Variants in ISCA1 observed in about 807,000 individuals in gnomAD.
ISCA1 encodes iron-sulfur cluster assembly 1 homolog, mitochondrial.
A neutral mutation model predicts 14.7 loss-of-function variants in ISCA1; 9 were observed. The ratio of observed to expected loss-of-function variants is 0.61; its 90% CI spans 0.37 to 1.07. ISCA1 has a LOEUF of 1.07. Among genes scored for constraint, ISCA1 ranks in the 50% least tolerant of loss-of-function variants. The probability of loss-of-function intolerance (pLI) is 0.01; values close to 1 mark genes in which losing one functional copy is unlikely to be tolerated. For synonymous variants in ISCA1, 38 were observed against 54.3 expected, an observed-to-expected ratio of 0.70 and a Z score of 1.32; for missense variants, 102 against 150.1, an observed-to-expected ratio of 0.68 and a Z score of 1.67.
At chr9:86,268,434 CAA>C (rs1326768834) in intron 3 of ISCA1, among the ~76,000 whole-genome samples, 15 of 67,670 alleles carry the variant, frequency 2.2e-4, no homozygotes, top group African/African-American at 5.6e-4. Flanking sequence ...AATGTTATCA[CAA>C]AAGAGTCAAA....
chr9:86,269,060 C>G (rs1009649966), intron 3 of ISCA1, among the ~76,000 whole-genome samples: 1 of 152,176 alleles, frequency 6.6e-6, no homozygotes, highest in African/African-American at 2.4e-5. Context: ...TCCCAAAGTG[C>G]TGGGATTACA....
intron 3 of ISCA1, among the ~76,000 whole-genome samples, chr9:86,268,283 T>C (rs986513067): frequency 2.2e-4 from 34 of 152,200 alleles, no homozygotes; most frequent in African/African-American, 7.2e-4. Context: ...AACCTGACCC[T>C]GTGGAGGCCT....
intron 1 of ISCA1, among the ~76,000 whole-genome samples, chr9:86,279,983 A>C (rs772304182): frequency 5.9e-5 from 9 of 152,226 alleles, no homozygotes; most frequent in Non-Finnish European, 1.2e-4. Flanking sequence ...GCCATACTTA[A>C]GTAGGACAAC....
chr9:86,266,123 C>G lies in ISCA1; in HGVS notation c.310G>C (p.Asp104His). The stretch of plus-strand genomic sequence containing the variant: ...AACACAAACTCACTGGATAATTTGT[C>G]TTCAACATAGTCCATTTCTGTTCCT... Reference protein sequence around the residue: ...LLGTEMDYVEDKLSSEFVFNN... With the variant: ...LLGTEMDYVEHKLSSEFVFNN... Residue 104 changes from aspartate (D) to histidine (H), a missense_variant, in exon 4 of 4, where the codon GAC becomes CAC. Physicochemically the swap from Asp to His is moderately conservative, Grantham distance 81. Transcript: ENST00000375991. 1.2e-6 allele frequency: 2 copies of G among 1,613,286 alleles called. No homozygotes were observed. Among genetic ancestry groups the G allele is most frequent in the Non-Finnish European group, 1.7e-6 (2 of 1,179,678 alleles).
rs1217874175 is a variant in ISCA1, at chr9:86,282,498, C to A, written c.-40G>T. The A allele has an allele frequency of 3.5e-5, 54 of 1,549,802 alleles. No homozygotes were observed. The highest frequency in any genetic ancestry group is 4.5e-5 in the Non-Finnish European group (52 of 1,146,716). Reference sequence around the variant, plus strand: ...CGCCCCGGTGCCTCGGGCCGAAGGTCGGCCGCCTCAGCTTCTCTCCATGGA... The same window carrying A: ...CGCCCCGGTGCCTCGGGCCGAAGGTAGGCCGCCTCAGCTTCTCTCCATGGA... On this transcript the variant is annotated 5_prime_UTR_variant, in exon 1 of 4. Coordinates refer to ENST00000375991, the MANE Select transcript of ISCA1 (RefSeq NM_030940.4).
chr9:86,273,643 G>C (rs765531829), intron 2 of ISCA1, among the ~76,000 whole-genome samples: 13 of 152,174 alleles, frequency 8.5e-5, no homozygotes, highest in Non-Finnish European at 1.6e-4. Flanking sequence ...GGAATAACAA[G>C]CCCAGTCTAG....
At chr9:86,270,621 C>A (rs1318413055) in intron 3 of ISCA1, among the ~76,000 whole-genome samples, 1 of 152,058 alleles carries the variant, frequency 6.6e-6, no homozygotes, top group East Asian at 1.9e-4. Flanking sequence ...ACAAATCATG[C>A]TGCTATAAAG....
In ISCA1 at chr9:86,264,734, A is replaced by G. The variant is rs1484157848; in HGVS notation, c.*1309T>C. On this transcript the variant is annotated 3_prime_UTR_variant, in exon 4 of 4. Coordinates refer to ENST00000375991, the MANE Select transcript of ISCA1 (RefSeq NM_030940.4). ...AGCTACTTTAGTGAATAAACGAAAC[A>G]TAAAGGAACTCAGCTACTTGAATTC... The G allele has an allele frequency of 6.6e-6, 1 of 152,504 alleles. No homozygotes were observed. The highest frequency in any genetic ancestry group is 2.4e-5 in the African/African-American group (1 of 41,466). The allele number at this position is 152,504 out of a possible 1,614,324, so 9.4% of individuals were successfully genotyped here. A position where few individuals can be genotyped will look rare whatever the true frequency, so the allele number is the denominator to read the frequency against.
At chr9:86,277,968 C>T (rs954945727) in intron 1 of ISCA1, among the ~76,000 whole-genome samples, 15 of 152,210 alleles carry the variant, frequency 9.9e-5, no homozygotes, top group African/African-American at 2.7e-4. Flanking sequence ...CATAGCAACA[C>T]GCTTTCTAAT....
intron 1 of ISCA1, among the ~76,000 whole-genome samples, chr9:86,280,286 T>C (rs770383440): frequency 5.3e-5 from 8 of 152,032 alleles, no homozygotes; most frequent in Non-Finnish European, 8.8e-5. Flanking sequence ...GGGACTGACA[T>C]AGAAATTCTG....
At chr9:86,280,982 C>A (rs1426060260) in intron 1 of ISCA1, among the ~76,000 whole-genome samples, 14 of 150,728 alleles carry the variant, frequency 9.3e-5, no homozygotes, top group Non-Finnish European at 1.6e-4. Context: ...AAACAAAAAA[C>A]CCAGTTAATA....
Position 86,274,245 on chromosome 9 carries a change from GA to G in ISCA1, c.82-4del. The G allele has an allele frequency of 1.3e-6, 2 of 1,574,814 alleles. No individual in the cohort carries two copies. The highest frequency in any genetic ancestry group is 8.7e-7 in the Non-Finnish European group (1 of 1,145,332). On this transcript the variant is annotated splice_polypyrimidine_tract_variant and splice_region_variant and intron_variant, in intron 1 of 3. Transcript: ENST00000375991. ...ATCTTGTTTACTGCTGAAGGTGTCT[GA>G]AAAAAGAAAATGATGTTTTTAGCTA...
rs11141326 is a variant in ISCA1 at position 86,276,897 on chromosome 9, G to A, written c.82-2655C>T. On this transcript the variant is annotated intron_variant, in intron 1 of 3. Transcript: ENST00000375991. ...AAAAAAAAAAAAAAAAAAAAAAAAA[G>A]GCATAGCCATGGAAAATATCCGCGG... Among the ~76,000 whole-genome samples, 114 of 82,346 alleles carry A rather than the reference G, an allele frequency of 1.4e-3. 6 individuals carry two copies. The highest frequency in any genetic ancestry group is 2.0e-3 in the East Asian group (5 of 2,450). 54.0% of individuals were successfully genotyped at this position (82,346 alleles called of 152,430 possible).
chr9:86,271,217 T>G (rs1260877636), intron 3 of ISCA1, among the ~76,000 whole-genome samples: 2 of 152,184 alleles, frequency 1.3e-5, no homozygotes, highest in African/African-American at 4.8e-5. Flanking sequence ...AGTACAGGTT[T>G]GTAGCCTAGG....
At chr9:86,280,112 G>C (rs1373217479) in intron 1 of ISCA1, among the ~76,000 whole-genome samples, 3 of 152,200 alleles carry the variant, frequency 2.0e-5, no homozygotes, top group African/African-American at 7.2e-5. Flanking sequence ...TGTGGAGAGA[G>C]ACCAAGCCTG....
chr9:86,274,353 C>T lies in ISCA1; in HGVS notation c.82-111G>A, dbSNP rs565000424. 34 of 702,638 alleles carry T rather than the reference C, an allele frequency of 4.8e-5. No individual in the cohort carries two copies. The African/African-American group carries it at 5.9e-4, about 12-fold the overall frequency. The allele number at this position is 702,638 out of a possible 1,614,324, so 43.5% of individuals were successfully genotyped here. The stretch of plus-strand genomic sequence containing the variant: ...AAATTCATGTGACAAATTTATGTTC[C>T]ATTCTTGCCAGGGTACCTTATGGAC... On this transcript the variant is annotated intron_variant, in intron 1 of 3. Coordinates refer to ENST00000375991, the MANE Select transcript of ISCA1 (RefSeq NM_030940.4).
intron 1 of ISCA1, chr9:86,282,170 A>T: frequency 1.7e-6 from 1 of 585,770 alleles, no homozygotes; most frequent in Non-Finnish European, 2.9e-6. Flanking sequence ...TCCGGGGCCA[A>T]GAGAGCAGCC....
Position 86,265,393 on chromosome 9 carries a change from C to G in ISCA1, c.*650G>C, listed in dbSNP as rs1825282425. ...TAAGAGACTTCTCAACTAAAAGAAT[C>G]AAAGTCAGCTTGAGAGCCCATCTCT... On this transcript the variant is annotated 3_prime_UTR_variant, in exon 4 of 4. Coordinates refer to ENST00000375991, the MANE Select transcript of ISCA1 (RefSeq NM_030940.4). The G allele has an allele frequency of 6.6e-6, 1 of 152,224 alleles. No homozygotes were observed. Among genetic ancestry groups the G allele is most frequent in the African/African-American group, 2.4e-5 (1 of 41,410 alleles). 9.4% of individuals were successfully genotyped at this position (152,224 alleles called of 1,614,324 possible).
intron 3 of ISCA1, chr9:86,267,525 G>A (rs980707245): frequency 9.2e-6 from 9 of 973,746 alleles, no homozygotes; most frequent in Non-Finnish European, 1.1e-5. Context: ...ATTTTAGATA[G>A]GTTTTAACAG....
Sources: gnomAD v4.1 joint callset for allele counts (sites outside exome capture counted in the v4.1 genomes callset) on GRCh38, gnomAD v4.1.1 for gene constraint, MANE v1.5 for transcripts, NCBI Gene and HGNC (gene_info 2026-07-23, HGNC 2026-07-21) for gene names.